The following C10orf143 variants were observed in gnomAD, a reference collection of about 807,000 sequenced individuals.
C10orf143 encodes the protein uncharacterized protein C10orf143.
At chr10:130,054,720 A>G (rs917707165) in intron 3 of C10orf143, among the ~76,000 whole-genome samples, 2 of 152,178 alleles carry the variant, frequency 1.3e-5, no homozygotes, top group Non-Finnish European at 2.9e-5. Context: ...GTGGTATCTC[A>G]TTGTGATTTT....
At chr10:130,079,333 T>C (rs961735364) in intron 3 of C10orf143, among the ~76,000 whole-genome samples, 1 of 152,254 alleles carries the variant, frequency 6.6e-6, no homozygotes, top group Non-Finnish European at 1.5e-5. Context: ...CCCTGTTTTT[T>C]AGAAGGAATT....
intron 3 of C10orf143, among the ~76,000 whole-genome samples, chr10:130,040,890 G>A (rs1036299546): frequency 7.2e-5 from 11 of 152,098 alleles, no homozygotes; most frequent in South Asian, 4.1e-4. Flanking sequence ...TCAGTGAGGG[G>A]CACCAAGGGA....
At chr10:130,101,700 A>G (rs1033342942) in intron 1 of C10orf143, among the ~76,000 whole-genome samples, 12 of 151,548 alleles carry the variant, frequency 7.9e-5, no homozygotes, top group Non-Finnish European at 1.5e-4. Flanking sequence ...TCCCATCTCT[A>G]TAAAAATACA....
chr10:130,072,557 A>G (rs1337609745), intron 3 of C10orf143, among the ~76,000 whole-genome samples: 1 of 152,222 alleles, frequency 6.6e-6, no homozygotes, highest in Non-Finnish European at 1.5e-5. Flanking sequence ...TTCAATGAAC[A>G]TATCATGCAC....
At chr10:130,060,550 G>A (rs1170878385), downstream of C10orf143, among the ~76,000 whole-genome samples, 4 of 152,330 alleles carry the variant, frequency 2.6e-5, no homozygotes, top group South Asian at 2.1e-4. Flanking sequence ...GCAGCCGGGC[G>A]CAGTGGCTCA....
chr10:130,110,691 C>T lies in C10orf143; in HGVS notation c.69+13G>A, dbSNP rs755875535. The T allele has an allele frequency of 1.0e-5, 4 of 398,700 alleles. No individual in the cohort carries two copies. The highest frequency in any genetic ancestry group is 2.1e-5 in the African/African-American group (1 of 48,646). 24.7% of individuals were successfully genotyped at this position (398,700 alleles called of 1,614,324 possible). A position where few individuals can be genotyped will look rare whatever the true frequency, so the allele number is the denominator to read the frequency against. On this transcript the variant is annotated intron_variant, in intron 1 of 3. Transcript: ENST00000637128. ...GCCCTCCCGTCCCTAACGCCCAGGC[C>T]CCGGGGGCTCACCACGTCCCCCGGA...
chr10:130,107,788 C>G (rs746615641), intron 1 of C10orf143: 2 of 1,242,918 alleles, frequency 1.6e-6, no homozygotes, highest in Admixed American at 1.7e-5. Context: ...AAAGGTTAAC[C>G]GATCCTCACA....
chr10:130,060,796 C>G (rs1475585314), downstream of C10orf143, among the ~76,000 whole-genome samples: 1 of 123,580 alleles, frequency 8.1e-6, no homozygotes, highest in African/African-American at 3.1e-5. Context: ...GCACTCCAGG[C>G]TGGGTGACAG....
chr10:130,050,983 C>T (rs1315466212), intron 3 of C10orf143, among the ~76,000 whole-genome samples: 2 of 152,158 alleles, frequency 1.3e-5, no homozygotes, highest in Admixed American at 1.3e-4. Flanking sequence ...CACGCCGGCC[C>T]GTGCGTGGAC....
intron 1 of C10orf143, among the ~76,000 whole-genome samples, chr10:130,110,417 T>C (rs539529419): frequency 6.6e-6 from 1 of 152,310 alleles, no homozygotes; most frequent in African/African-American, 2.4e-5. Flanking sequence ...GCCCATGTTT[T>C]AGGGAGCCTG....
At chr10:130,046,295 C>T (rs892144504) in intron 3 of C10orf143, among the ~76,000 whole-genome samples, 2 of 152,036 alleles carry the variant, frequency 1.3e-5, no homozygotes, top group Non-Finnish European at 2.9e-5. Context: ...GCAGGGCGCA[C>T]TCTCGGGCTC....
intron 3 of C10orf143, among the ~76,000 whole-genome samples, chr10:130,050,981 C>A (rs1481745234): frequency 6.6e-6 from 1 of 152,174 alleles, no homozygotes; most frequent in Admixed American, 6.5e-5. Flanking sequence ...AACACGCCGG[C>A]CCGTGCGTGG....
At chr10:130,099,074 T>G (rs599358) in intron 1 of C10orf143, among the ~76,000 whole-genome samples, 148,507 of 148,982 alleles carry the variant, frequency 1, 74,018 homozygotes, top group Middle Eastern at 1. Flanking sequence ...GGCAAAAGAG[T>G]GAGACACCAT....
intron 3 of C10orf143, among the ~76,000 whole-genome samples, chr10:130,043,244 C>T (rs915495350): frequency 5.9e-5 from 9 of 152,086 alleles, no homozygotes; most frequent in Admixed American, 2.0e-4. Flanking sequence ...AGGAGTTATA[C>T]GGCAAAAAAT....
chr10:130,064,929 A>T (rs539661838), intron 3 of C10orf143: 2 of 152,354 alleles, frequency 1.3e-5, no homozygotes, highest in East Asian at 3.9e-4. Context: ...ACACTGTACC[A>T]CTGTGCAATG....
At chr10:130,090,284 C>G (rs992332490) in intron 1 of C10orf143, among the ~76,000 whole-genome samples, 3 of 152,158 alleles carry the variant, frequency 2.0e-5, no homozygotes, top group African/African-American at 7.2e-5. Flanking sequence ...CAGGGTGGGG[C>G]ATCGCCTAAC....
At position 130,046,389 on chromosome 10, in the gene C10orf143, G is replaced by A. The variant is rs1029206440; in HGVS notation, c.298-10419C>T. Among the ~76,000 whole-genome samples the A allele has an allele frequency of 5.9e-5, 9 of 152,142 alleles. No homozygotes were observed. The South Asian group carries it at 1.9e-3, about 32-fold the overall frequency. On this transcript the variant is annotated intron_variant and NMD_transcript_variant, in intron 3 of 5. Coordinates refer to the C10orf143 transcript ENST00000643056. ...GACCTGCTCCAGAAGCGCCAGTTGCGGGACCCCACACGGAAGGCAGTCTTC... is the reference window on the plus strand; with the variant it reads ...GACCTGCTCCAGAAGCGCCAGTTGCAGGACCCCACACGGAAGGCAGTCTTC...
In C10orf143 at chr10:130,110,812, G is replaced by A. The variant is rs779491462; in HGVS notation, c.-40C>T. The A allele has an allele frequency of 3.0e-5, 12 of 398,772 alleles. No homozygotes were observed. The highest frequency in any genetic ancestry group is 4.9e-5 in the Non-Finnish European group (11 of 226,202). 24.7% of individuals were successfully genotyped at this position (398,772 alleles called of 1,614,324 possible). ...AAACCCTCCCGGCATCTCAGGCCTGGCCGAGGCCCGCGCACCACGCCCCCT... is the reference window on the plus strand; with the variant it reads ...AAACCCTCCCGGCATCTCAGGCCTGACCGAGGCCCGCGCACCACGCCCCCT... On this transcript the variant is annotated 5_prime_UTR_variant, in exon 1 of 4. Coordinates refer to ENST00000637128, the MANE Select transcript of C10orf143 (RefSeq NM_001355042.2).
At chr10:130,078,999 G>C (rs1350827591) in intron 3 of C10orf143, among the ~76,000 whole-genome samples, 1 of 152,142 alleles carries the variant, frequency 6.6e-6, no homozygotes, top group East Asian at 1.9e-4. Context: ...CTTGGAGTAA[G>C]TTCAAAATTA....
Sources: gnomAD v4.1 joint callset for allele counts (sites outside exome capture counted in the v4.1 genomes callset) on GRCh38, gnomAD v4.1.1 for gene constraint, MANE v1.5 for transcripts, NCBI Gene and HGNC (gene_info 2026-07-23, HGNC 2026-07-21) for gene names.